The following UFL1 variants were observed in gnomAD, a reference collection of about 807,000 sequenced individuals.
UFL1 encodes E3 UFM1-protein ligase 1.
In UFL1, 78 loss-of-function variants were observed where a neutral mutation model predicts 99.3. The observed-to-expected ratio is 0.79, with a 90% CI of 0.65 to 0.95. The LOEUF is 0.95. Ranked by LOEUF, UFL1 falls within the 40% of genes least tolerant of loss-of-function variation. The pLI, the probability that UFL1 is intolerant of heterozygous loss-of-function variation, is 0.00. For synonymous variants in UFL1, 335 were observed against 322.2 expected, an observed-to-expected ratio of 1.04 and a Z score of -0.42; for missense variants, 936 against 937.0, an observed-to-expected ratio of 1.00 and a Z score of 0.01.
At chr6:96,535,675 A>G (rs906103905) in intron 7 of UFL1, among the ~76,000 whole-genome samples, 14 of 152,154 alleles carry the variant, frequency 9.2e-5, no homozygotes, top group African/African-American at 2.6e-4. Flanking sequence ...TCTGACTCCA[A>G]CATTGATCCT....
At chr6:96,538,561 G>A (rs1769886576) in intron 9 of UFL1, 70 bp from the exon 10 acceptor site, 9 of 1,425,536 alleles carry the variant, frequency 6.3e-6, no homozygotes, top group South Asian at 3.9e-5. Flanking sequence ...GAGCATATAT[G>A]TATATAGCAA....
In UFL1 at chr6:96,536,280, G is replaced by C; in HGVS notation, c.692G>C (p.Arg231Pro). Reference protein sequence around the residue: ...LEELVNSGRLRGTVVGGRQDK... With the variant: ...LEELVNSGRLPGTVVGGRQDK... ...GAACTTGTTAATAGCGGACGCTTAC[G>C]AGGCACTGTGGTTGGTGGGAGACAG... The change falls in exon 8 of 19, where the codon CGA becomes CCA. Residue 231 changes from arginine to proline, a missense_variant. By Grantham distance (103) the Arg-to-Pro change is moderately radical. Coordinates refer to ENST00000369278, the MANE Select transcript of UFL1 (RefSeq NM_015323.5). 1 of 1,610,428 alleles carries C rather than the reference G, an allele frequency of 6.2e-7. No individual in the cohort carries two copies. The highest frequency in any genetic ancestry group is 8.5e-7 in the Non-Finnish European group (1 of 1,177,456).
chr6:96,531,329 A>G (rs989505063), intron 6 of UFL1, among the ~76,000 whole-genome samples: 25 of 152,088 alleles, frequency 1.6e-4, no homozygotes, highest in African/African-American at 5.3e-4. Flanking sequence ...TGATACTTCC[A>G]TTTCTAGTCC....
chr6:96,526,372 T>C lies in UFL1; in HGVS notation c.402T>C (p.Ser134=), dbSNP rs1414793306. The change falls in exon 5 of 19, where the codon AGT becomes AGC. Residue 134 remains serine (S), a synonymous_variant. Transcript: ENST00000369278. ...AGGTCAATGATAAATTGCAAGAAAGTGGTCAGGTCACCATATCAGAACTGT... is the reference window on the plus strand; with the variant it reads ...AGGTCAATGATAAATTGCAAGAAAGCGGTCAGGTCACCATATCAGAACTGT... ...AEEVNDKLQE[S]GQVTISELCK... 6.2e-7 allele frequency: 1 copy of C among 1,613,684 alleles called. No individual in the cohort carries two copies. Among genetic ancestry groups the C allele is most frequent in the Non-Finnish European group, 8.5e-7 (1 of 1,179,810 alleles).
chr6:96,549,568 G>GT lies in UFL1; in HGVS notation c.1683dup (p.Ala562CysfsTer3), dbSNP rs1277018093. The GT allele has an allele frequency of 6.3e-7, 1 of 1,595,158 alleles. No homozygotes were observed. The highest frequency in any genetic ancestry group is 8.5e-7 in the Non-Finnish European group (1 of 1,172,992). ...TTAGGTTATTTGAAAAAGGGATGAAGTTTTTTGCAGGTATACTTAATCTTT... is the reference window on the plus strand; with the variant it reads ...TTAGGTTATTTGAAAAAGGGATGAAGTTTTTTTGCAGGTATACTTAATCTTT... On this transcript the variant is annotated frameshift_variant, in exon 14 of 19. Coordinates refer to ENST00000369278, the MANE Select transcript of UFL1 (RefSeq NM_015323.5). LOFTEE classifies it high-confidence loss of function.
In UFL1 at chr6:96,554,460, A is replaced by AT. The variant is rs1442330961; in HGVS notation, c.*964dup. The AT allele has an allele frequency of 1.3e-5, 2 of 152,004 alleles. No individual in the cohort carries two copies. The highest frequency in any genetic ancestry group is 2.9e-5 in the Non-Finnish European group (2 of 67,968). 9.4% of individuals were successfully genotyped at this position (152,004 alleles called of 1,614,324 possible). On this transcript the variant is annotated 3_prime_UTR_variant, in exon 19 of 19. Transcript: ENST00000369278. ...TAGAAACCCTTATTAAAAAATAGACATTTTTTTCTAAAGATTATTAGTTAA... is the reference window on the plus strand; with the variant it reads ...TAGAAACCCTTATTAAAAAATAGACATTTTTTTTCTAAAGATTATTAGTTAA...
At chr6:96,548,644 T>C (rs1369780581) in intron 13 of UFL1, among the ~76,000 whole-genome samples, 1 of 151,764 alleles carries the variant, frequency 6.6e-6, no homozygotes, top group Non-Finnish European at 1.5e-5. Context: ...GATAATTTTC[T>C]ATTTTAATTT....
chr6:96,541,302 T>G (rs776319961), intron 11 of UFL1, among the ~76,000 whole-genome samples: 22 of 151,476 alleles, frequency 1.5e-4, no homozygotes, highest in Non-Finnish European at 2.4e-4. Flanking sequence ...ACATACTAAT[T>G]AAATGAAAAA....
chr6:96,552,711 A>G, intron 18 of UFL1, 49 bp downstream of exon 18: 1 of 1,503,156 alleles, frequency 6.7e-7, no homozygotes, highest in South Asian at 1.3e-5. Context: ...TACATTCTGA[A>G]TATTTTGAGT....
chr6:96,552,027 C>A, intron 17 of UFL1, 104 bp downstream of exon 17: 1 of 719,834 alleles, frequency 1.4e-6, no homozygotes, highest in South Asian at 1.8e-5. Flanking sequence ...GAATATGTAC[C>A]TAATGTGTCT....
intron 17 of UFL1, 80 bp downstream of exon 17, chr6:96,552,003 G>A (rs754671200): frequency 3.3e-5 from 32 of 971,284 alleles, no homozygotes; most frequent in Middle Eastern, 2.2e-4. Flanking sequence ...TTGACTGCCC[G>A]GCTCTTACAC....
At position 96,539,993 on chromosome 6, in the gene UFL1, C is replaced by T. The variant is rs143655799; in HGVS notation, c.1159-542C>T. Among the ~76,000 whole-genome samples the T allele has an allele frequency of 1.0e-3, 155 of 151,452 alleles. 1 individual carries two copies. Among genetic ancestry groups the T allele is most frequent in the Middle Eastern group, 3.4e-3 (1 of 294 alleles). ...TATGCCATCAGAAAGAACCAGTATC[C>T]GAACTTGGAAATACTTCATCGTTGT... On this transcript the variant is annotated intron_variant, in intron 10 of 18. Coordinates refer to ENST00000369278, the MANE Select transcript of UFL1 (RefSeq NM_015323.5).
chr6:96,550,978 A>T (rs572786819), intron 15 of UFL1, among the ~76,000 whole-genome samples: 2 of 151,966 alleles, frequency 1.3e-5, no homozygotes, highest in Non-Finnish European at 1.5e-5. Flanking sequence ...GGACACTTAC[A>T]TGTAGAGAGA....
In UFL1 at chr6:96,522,025, A is replaced by C. The variant is rs888687593; in HGVS notation, c.77+75A>C. ...GACACGCCTGTATCTGGGACTTTAG[A>C]CCCGCGGCCCTGCATCCCGGGTCTT... is the stretch of plus-strand genomic sequence containing the variant. On this transcript the variant is annotated intron_variant, in intron 1 of 18. Coordinates refer to ENST00000369278, the MANE Select transcript of UFL1 (RefSeq NM_015323.5). The C allele has an allele frequency of 3.0e-5, 44 of 1,485,910 alleles. No individual in the cohort carries two copies. The African/African-American group carries it at 5.6e-4, about 19-fold the overall frequency. The allele number at this position is 1,485,910 out of a possible 1,614,324, so 92.0% of individuals were successfully genotyped here.
At chr6:96,528,389 T>C (rs1471307706) in intron 5 of UFL1, 113 bp from the exon 6 acceptor site, 10 of 1,281,818 alleles carry the variant, frequency 7.8e-6, no homozygotes, top group Non-Finnish European at 5.3e-6. Context: ...TTGAAACTTC[T>C]CAATCACATG....
In UFL1 at chr6:96,528,564, A is replaced by G; in HGVS notation, c.528A>G (p.Val176=). The change falls in exon 6 of 19, where the codon GTA becomes GTG. Residue 176 remains valine (V), a synonymous_variant. Transcript: ENST00000369278. ...ATATTGATCTTGATAATAGAGGAGT[A>G]ATTTTTACGGAAGCTTTTGTAGCTC... The part of the protein sequence containing the change: ...SGHIDLDNRG[V]IFTEAFVARH... 1 of 1,613,940 alleles carries G rather than the reference A, an allele frequency of 6.2e-7. No individual in the cohort carries two copies. Among genetic ancestry groups the G allele is most frequent in the Non-Finnish European group, 8.5e-7 (1 of 1,179,872 alleles).
intron 8 of UFL1, among the ~76,000 whole-genome samples, chr6:96,536,688 G>T (rs1161632897): frequency 6.6e-6 from 1 of 151,610 alleles, no homozygotes; most frequent in African/African-American, 2.4e-5. Flanking sequence ...CTAAAAGCTG[G>T]TAGTAATCGC....
chr6:96,526,598 T>A (rs1769707410), intron 5 of UFL1, among the ~76,000 whole-genome samples, 163 bp downstream of exon 5: 1 of 152,200 alleles, frequency 6.6e-6, no homozygotes, highest in African/African-American at 2.4e-5. Context: ...GGGGGGTACT[T>A]CTAGTACATT....
Position 96,549,465 on chromosome 6 carries a change from C to T in UFL1, c.1574C>T (p.Thr525Ile). The change falls in exon 14 of 19, where the codon ACA becomes ATA. Residue 525 changes from threonine to isoleucine, a missense_variant. By Grantham distance (89) the Thr-to-Ile change is moderately conservative. Transcript: ENST00000369278. ...GTACGTTCAGTATTCATGTCTTCAA[C>T]AACTTCTGCTTCTGGGACGGGCAGA... ...EVVRSVFMSS[T>I]TSASGTGRKR... is the part of the protein sequence containing the mutation. 6.3e-7 allele frequency: 1 copy of T among 1,597,762 alleles called. No individual in the cohort carries two copies. The highest frequency in any genetic ancestry group is 8.5e-7 in the Non-Finnish European group (1 of 1,175,432).
Sources: gnomAD v4.1 joint callset for allele counts (sites outside exome capture counted in the v4.1 genomes callset) on GRCh38, gnomAD v4.1.1 for gene constraint, MANE v1.5 for transcripts, NCBI Gene and HGNC (gene_info 2026-07-23, HGNC 2026-07-21) for gene names.